PHEX: variants seen among roughly 807,000 people sequenced by gnomAD.
PHEX encodes the protein phosphate-regulating neutral endopeptidase PHEX.
A neutral mutation model predicts 68.0 loss-of-function variants in PHEX; 16 were observed. The ratio of observed to expected loss-of-function variants is 0.24; its 90% CI spans 0.16 to 0.36. The LOEUF is 0.36. PHEX is among the 10% of genes least tolerant of loss of function. The probability of loss-of-function intolerance (pLI) is 1.00; values close to 1 mark genes in which losing one functional copy is unlikely to be tolerated. For missense variants in PHEX, 480 were observed against 575.5 expected, an observed-to-expected ratio of 0.83 and a Z score of 1.70; for synonymous variants, 208 against 205.1, an observed-to-expected ratio of 1.01 and a Z score of -0.12.
At chrX:22,186,448 AAC>A (rs1464655204) in intron 14 of PHEX, among the ~76,000 whole-genome samples, 4 of 112,702 alleles carry the variant, frequency 3.5e-5, no homozygotes, top group Non-Finnish European at 3.7e-5. Context: ...AAAGTTCACA[AAC>A]ACATATTAAA....
At position 22,249,454 on chromosome X, in the gene PHEX, AAATATAT is replaced by A. The variant is rs1388361476; in HGVS notation, c.*1503_*1509del. The A allele has an allele frequency of 1.7e-3, 72 of 43,086 alleles. 1 individual carries two copies. The highest frequency in any genetic ancestry group is 8.7e-4 in the Non-Finnish European group (22 of 25,415). The allele number at this position is 43,086 out of a possible 1,213,427, so 3.6% of individuals were successfully genotyped here. A position where few individuals can be genotyped will look rare whatever the true frequency, so the allele number is the denominator to read the frequency against. On this transcript the variant is annotated 3_prime_UTR_variant, in exon 22 of 22. Transcript: ENST00000379374. Reference sequence around the variant, plus strand: ...TTTGTGATTCTTTTAAAAAAAAAAAAAATATATATATATATATATATATATATATATA... The same window carrying A: ...TTTGTGATTCTTTTAAAAAAAAAAAAATATATATATATATATATATATATA...
At chrX:22,090,765 T>C (rs1290607952) in intron 6 of PHEX, among the ~76,000 whole-genome samples, 1 of 112,086 alleles carries the variant, frequency 8.9e-6, no homozygotes, top group East Asian at 2.8e-4. Flanking sequence ...AGAAATGAGC[T>C]TGCAGTCATT....
chrX:22,041,659 G>A (rs1927296515), intron 2 of PHEX, among the ~76,000 whole-genome samples: 1 of 110,298 alleles, frequency 9.1e-6, no homozygotes, highest in Non-Finnish European at 1.9e-5. Context: ...GAGAGCAGGC[G>A]GAACTATCAG....
At chrX:22,101,773 A>G (rs1321898257) in intron 9 of PHEX, among the ~76,000 whole-genome samples, 1 of 111,354 alleles carries the variant, frequency 9.0e-6, no homozygotes, top group African/African-American at 3.3e-5. Context: ...TGTAGGGGAG[A>G]CTGGGAAATA....
rs1272434184 is a variant in PHEX at position 22,114,429 on chromosome X, GT to G, written c.1174-26del. On this transcript the variant is annotated intron_variant, in intron 10 of 21. Transcript: ENST00000379374. ...CAGCCATGGGTTTTATCCAAATGAA[GT>G]TTAATCTGGATCAATTATCTCCCAC... 5 of 1,196,154 alleles carry G rather than the reference GT, an allele frequency of 4.2e-6. No individual in the cohort carries two copies. The South Asian group carries it at 8.8e-5, about 21-fold the overall frequency.
chrX:22,225,600 A>C (rs1374261076), intron 18 of PHEX, among the ~76,000 whole-genome samples: 1 of 112,415 alleles, frequency 8.9e-6, no homozygotes, highest in Admixed American at 9.4e-5. Context: ...ATGCATGGGC[A>C]TGGCTGTGTC....
At chrX:22,076,926 G>C (rs1208741011) in intron 4 of PHEX, among the ~76,000 whole-genome samples, 1 of 111,577 alleles carries the variant, frequency 9.0e-6, no homozygotes, top group Non-Finnish European at 1.9e-5. Context: ...CAATATCTTG[G>C]GTCTGATTGG....
chrX:22,207,877 G>A (rs1369657554), intron 15 of PHEX, among the ~76,000 whole-genome samples: 1 of 110,633 alleles, frequency 9.0e-6, no homozygotes, highest in East Asian at 2.8e-4. Flanking sequence ...AAAATCCAGG[G>A]GGTATTTTAT....
intron 14 of PHEX, among the ~76,000 whole-genome samples, chrX:22,187,174 G>A (rs1349739781): frequency 9.0e-6 from 1 of 111,720 alleles, no homozygotes; most frequent in East Asian, 2.8e-4. Flanking sequence ...TCTCTGCTTT[G>A]GATTTCATAA....
chrX:22,148,374 A>G lies in PHEX; in HGVS notation c.1404+14750A>G, dbSNP rs186225172. 4.9e-4 allele frequency among the ~76,000 whole-genome samples: 55 copies of G among 112,035 alleles called. 2 individuals are homozygous for G. The highest frequency in any genetic ancestry group is 1.7e-3 in the African/African-American group (54 of 30,897). On this transcript the variant is annotated intron_variant, in intron 12 of 21. Transcript: ENST00000379374. ...AATATAATTGACAAATAATAATTGT[A>G]TATATATTTTTGGGGTACAGTGTGA...
intron 9 of PHEX, among the ~76,000 whole-genome samples, chrX:22,104,467 G>A (rs1008797199): frequency 9.0e-6 from 1 of 111,078 alleles, no homozygotes; most frequent in African/African-American, 3.3e-5. Flanking sequence ...GGGGTAAGGA[G>A]GTAGTGATGA....
chrX:22,194,767 G>T (rs1458892908), intron 15 of PHEX, among the ~76,000 whole-genome samples: 1 of 112,264 alleles, frequency 8.9e-6, no homozygotes, highest in Non-Finnish European at 1.9e-5. Flanking sequence ...GATTTTTACA[G>T]GGTGGTTACA....
chrX:22,224,615 C>G (rs997411713), intron 18 of PHEX, among the ~76,000 whole-genome samples: 14 of 111,104 alleles, frequency 1.3e-4, no homozygotes, highest in Non-Finnish European at 2.3e-4. Flanking sequence ...CTGCTACACT[C>G]TCGGAGCTTT....
At chrX:22,126,974 C>T (rs1404477837) in intron 11 of PHEX, among the ~76,000 whole-genome samples, 1 of 100,441 alleles carries the variant, frequency 1.0e-5, no homozygotes, top group African/African-American at 3.8e-5. Context: ...CGGGTTCAAG[C>T]GATTCTTGTG....
intron 20 of PHEX, among the ~76,000 whole-genome samples, chrX:22,245,111 C>CACTT (rs1334843069): frequency 8.9e-6 from 1 of 112,288 alleles, no homozygotes; most frequent in Admixed American, 9.4e-5. Context: ...AAACCTTTCT[C>CACTT]ACTTACTCAA....
At chrX:22,156,818 A>G (rs1299141671) in intron 12 of PHEX, among the ~76,000 whole-genome samples, 2 of 110,663 alleles carry the variant, frequency 1.8e-5, no homozygotes, top group Non-Finnish European at 3.8e-5. Flanking sequence ...CAATAAAAAC[A>G]TTGATTTAAA....
chrX:22,242,796 A>T (rs757945281), intron 20 of PHEX, among the ~76,000 whole-genome samples: 2 of 112,280 alleles, frequency 1.8e-5, no homozygotes, highest in South Asian at 7.4e-4. Context: ...AAACAAATGG[A>T]AGAACATTCC....
Position 22,249,441 on chromosome X carries a change from T to TAAA in PHEX, c.*1488_*1489insAAA, listed in dbSNP as rs1569099789. 3.5e-5 allele frequency: 1 copy of TAAA among 28,271 alleles called. No individual in the cohort carries two copies. Among genetic ancestry groups the TAAA allele is most frequent in the Admixed American group, 4.4e-4 (1 of 2,263 alleles). The allele number at this position is 28,271 out of a possible 1,213,427, so 2.3% of individuals were successfully genotyped here. Reference sequence around the variant, plus strand: ...TGTGTCCCTGTGATTTGTGATTCTTTTAAAAAAAAAAAAAATATATATATA... The same window carrying TAAA: ...TGTGTCCCTGTGATTTGTGATTCTTTAAATAAAAAAAAAAAAAATATATATATA... On this transcript the variant is annotated 3_prime_UTR_variant, in exon 22 of 22. Transcript: ENST00000379374.
chrX:22,130,742 A>G (rs968083183), intron 11 of PHEX, among the ~76,000 whole-genome samples: 5 of 109,734 alleles, frequency 4.6e-5, no homozygotes, highest in African/African-American at 1.3e-4. Context: ...CTCTGTTGTT[A>G]CTAGAGGCTC....
Sources: gnomAD v4.1 joint callset for allele counts (sites outside exome capture counted in the v4.1 genomes callset) on GRCh38, gnomAD v4.1.1 for gene constraint, MANE v1.5 for transcripts, NCBI Gene and HGNC (gene_info 2026-07-23, HGNC 2026-07-21) for gene names.